The following EPS15 variants were observed in gnomAD, a reference collection of about 807,000 sequenced individuals.
The protein encoded by EPS15 is epidermal growth factor receptor substrate 15.
In EPS15, 72 loss-of-function variants were observed where a neutral mutation model predicts 113.8. The ratio of observed to expected loss-of-function variants is 0.63; its 90% confidence interval spans 0.52 to 0.77. EPS15 has a LOEUF of 0.77. Ranked by LOEUF, EPS15 falls within the 30% of genes least tolerant of loss-of-function variation. The pLI is 0.00. For missense variants in EPS15, 1,048 were observed against 1,045.8 expected (o/e 1.00, Z -0.03); for synonymous variants, 344 against 363.4 (o/e 0.95, Z 0.61).
At chr1:51,495,320 C>T (rs1463975563) in intron 1 of EPS15, among the ~76,000 whole-genome samples, 1 of 151,876 alleles carries the variant, frequency 6.6e-6, no homozygotes, top group Non-Finnish European at 1.5e-5. Context: ...ATGGATAAAA[C>T]TGACAAAGTG....
intron 21 of EPS15, among the ~76,000 whole-genome samples, chr1:51,368,628 G>A (rs1444958058): frequency 1.4e-5 from 2 of 140,794 alleles, no homozygotes; most frequent in Admixed American, 7.5e-5. Context: ...ATGGAGTCTC[G>A]CCTGTGTCAC....
At position 51,355,854 on chromosome 1, in the gene EPS15, A is replaced by G. The variant is rs1453609564; in HGVS notation, c.*846T>C. 1 of 199,454 alleles carries G rather than the reference A, an allele frequency of 5.0e-6. No homozygotes were observed. The highest frequency in any genetic ancestry group is 2.3e-5 in the African/African-American group (1 of 43,458). The allele number at this position is 199,454 out of a possible 1,614,324, so 12.4% of individuals were successfully genotyped here. ...CCACGGCAAAGGCAGAATGGCTGCC[A>G]TGTTAAGACTTTTGCTTGCCTTATA... On this transcript the variant is annotated 3_prime_UTR_variant, in exon 25 of 25. Coordinates refer to ENST00000371733, the MANE Select transcript of EPS15 (RefSeq NM_001981.3).
At chr1:51,395,523 TACAC>T (rs139866618) in intron 20 of EPS15, among the ~76,000 whole-genome samples, 1 of 150,468 alleles carries the variant, frequency 6.6e-6, no homozygotes, top group Admixed American at 6.6e-5. Context: ...CATACACACA[TACAC>T]ACACACACAC....
At chr1:51,472,763 A>C (rs530602741) in intron 3 of EPS15, 96 bp downstream of exon 3, 6 of 919,660 alleles carry the variant, frequency 6.5e-6, no homozygotes, top group Non-Finnish European at 1.0e-5. Flanking sequence ...CTAACTTCTA[A>C]ATTTCTTGAT....
intron 4 of EPS15, among the ~76,000 whole-genome samples, chr1:51,469,553 C>T (rs1020112352): frequency 2.6e-5 from 4 of 152,168 alleles, no homozygotes; most frequent in African/African-American, 9.7e-5. Flanking sequence ...ACTCCAGCTA[C>T]AATTTGTCCA....
At chr1:51,375,362 T>C (rs532918511) in intron 21 of EPS15, among the ~76,000 whole-genome samples, 6 of 152,336 alleles carry the variant, frequency 3.9e-5, no homozygotes, top group African/African-American at 1.4e-4. Context: ...AGTAGAGTTA[T>C]ATATAACATT....
chr1:51,469,025 GA>G (rs1371909378), intron 4 of EPS15, among the ~76,000 whole-genome samples: 1 of 152,086 alleles, frequency 6.6e-6, no homozygotes, highest in East Asian at 1.9e-4. Flanking sequence ...AACTACTCAG[GA>G]GGCTGAGGCA....
Position 51,447,068 on chromosome 1 carries a change from T to C in EPS15, c.689A>G (p.Glu230Gly). Residue 230 changes from glutamate (E) to glycine (G), a missense_variant, in exon 10 of 25, where the codon GAA (glutamate) becomes GGA (glycine). By Grantham distance (98) the Glu-to-Gly change is moderately conservative (BLOSUM62 -2). Transcript: ENST00000371733. ...ATCTTTATCAGTTTTCAGGAAGATT[T>C]CATCATATTTAGCTTTTTCTGCAGG... is the stretch of plus-strand genomic sequence containing the variant. Reference protein sequence around the residue: ...VSPAEKAKYDEIFLKTDKDMD... With the variant: ...VSPAEKAKYDGIFLKTDKDMD... 2 of 1,613,650 alleles carry C rather than the reference T, an allele frequency of 1.2e-6. No individual in the cohort carries two copies. Among genetic ancestry groups the C allele is most frequent in the Non-Finnish European group, 1.7e-6 (2 of 1,179,792 alleles).
chr1:51,481,356 A>G (rs372670460), intron 1 of EPS15, 42 bp from the exon 2 acceptor site: 11 of 850,384 alleles, frequency 1.3e-5, no homozygotes, highest in Non-Finnish European at 1.8e-5. Context: ...CTATTCATTA[A>G]CTTCTATTAA....
At chr1:51,370,796 CT>C (rs1448245295) in intron 21 of EPS15, among the ~76,000 whole-genome samples, 1 of 151,786 alleles carries the variant, frequency 6.6e-6, no homozygotes, top group Non-Finnish European at 1.5e-5. Context: ...AATTTTTGCA[CT>C]TTTAGTAGAG....
At chr1:51,399,411 G>C (rs1441200331) in intron 19 of EPS15, among the ~76,000 whole-genome samples, 4 of 152,020 alleles carry the variant, frequency 2.6e-5, no homozygotes, top group African/African-American at 9.7e-5. Context: ...AATTAGCCAG[G>C]CATGGTGGTG....
At chr1:51,368,286 CTATTTTTGT>C (rs1557771296) in intron 21 of EPS15, among the ~76,000 whole-genome samples, 1 of 152,078 alleles carries the variant, frequency 6.6e-6, no homozygotes, top group African/African-American at 2.4e-5. Flanking sequence ...AGAAGATACA[CTATTTTTGT>C]TTGCTTTGTC....
chr1:51,408,055 G>A (rs1649297037), intron 15 of EPS15, 80 bp downstream of exon 15: 4 of 1,220,700 alleles, frequency 3.3e-6, no homozygotes, highest in African/African-American at 1.5e-5. Context: ...GAGGTTGAAG[G>A]AGCAGAAGTT....
At chr1:51,473,596 A>AAAC (rs541297923) in intron 2 of EPS15, among the ~76,000 whole-genome samples, 2 of 152,082 alleles carry the variant, frequency 1.3e-5, no homozygotes, top group Non-Finnish European at 2.9e-5. Flanking sequence ...ACAAACAAAC[A>AAAC]AACAACAACA....
intron 2 of EPS15, among the ~76,000 whole-genome samples, chr1:51,476,549 T>C (rs1013031347): frequency 1.4e-4 from 21 of 152,172 alleles, no homozygotes; most frequent in Non-Finnish European, 2.4e-4. Flanking sequence ...TGATATTCCC[T>C]TTATCATTTT....
At chr1:51,476,398 T>C (rs1643902075) in intron 2 of EPS15, among the ~76,000 whole-genome samples, 1 of 152,158 alleles carries the variant, frequency 6.6e-6, no homozygotes, top group Non-Finnish European at 1.5e-5. Flanking sequence ...CTTATACTTC[T>C]CCTTGAAGAG....
chr1:51,472,727 A>G (rs1655329129), intron 3 of EPS15, 132 bp downstream of exon 3: 1 of 650,990 alleles, frequency 1.5e-6, no homozygotes, highest in Non-Finnish European at 2.7e-6. Context: ...TCATCCTACT[A>G]TTAAAATGGC....
Position 51,455,835 on chromosome 1 carries a change from A to C in EPS15, c.561+5256T>G, listed in dbSNP as rs143768963. 2.7e-4 allele frequency among the ~76,000 whole-genome samples: 41 copies of C among 152,278 alleles called. No homozygotes were observed. In the East Asian group the frequency reaches 7.9e-3, roughly 29 times the overall value. The stretch of plus-strand genomic sequence containing the variant: ...TTTAAATCTATTTTTGTGTATGTAC[A>C]TACATATATACATTATACATTCCAC... On this transcript the variant is annotated intron_variant, in intron 8 of 24. Transcript: ENST00000371733.
chr1:51,497,813 C>G (rs1245447114), intron 1 of EPS15, among the ~76,000 whole-genome samples: 1 of 151,968 alleles, frequency 6.6e-6, no homozygotes, highest in Non-Finnish European at 1.5e-5. Context: ...ACCATCTCTA[C>G]TAAAAATACA....
Sources: gnomAD v4.1 joint callset for allele counts (sites outside exome capture counted in the v4.1 genomes callset) on GRCh38, gnomAD v4.1.1 for gene constraint, MANE v1.5 for transcripts, NCBI Gene and HGNC (gene_info 2026-07-23, HGNC 2026-07-21) for gene names.